The following CTNNA1 variants were observed in gnomAD, a reference collection of about 807,000 sequenced individuals.
CTNNA1 encodes catenin alpha 1.
CTNNA1 carries 37 observed loss-of-function variants against 98.4 expected under a neutral mutation model. The observed-to-expected ratio is 0.38, with a 90% CI of 0.29 to 0.49. CTNNA1 has a LOEUF of 0.49. CTNNA1 is among the 20% of genes least tolerant of loss of function. CTNNA1 has a pLI of 0.95. For synonymous variants in CTNNA1, 404 were observed against 413.2 expected (o/e 0.98, Z 0.27); for missense variants, 761 against 1,147.2 (o/e 0.66, Z 4.86).
intron 7 of CTNNA1, among the ~76,000 whole-genome samples, chr5:138,839,778 A>G (rs1762120267): frequency 6.6e-6 from 1 of 152,246 alleles, no homozygotes; most frequent in Non-Finnish European, 1.5e-5. Context: ...AGCCAGAACC[A>G]AAACTCAACC....
chr5:138,832,188 A>G (rs1018155122), intron 7 of CTNNA1, among the ~76,000 whole-genome samples: 1 of 152,310 alleles, frequency 6.6e-6, no homozygotes, highest in East Asian at 1.9e-4. Flanking sequence ...CCTTAATGTT[A>G]TTGCTTGCAT....
rs1561568619 is a variant in CTNNA1 at position 138,827,727 on chromosome 5, G to A, written c.1062+9G>A. The A allele has an allele frequency of 6.2e-7, 1 of 1,613,762 alleles. No homozygotes were observed. The highest frequency in any genetic ancestry group is 2.2e-5 in the East Asian group (1 of 44,878). On this transcript the variant is annotated intron_variant, in intron 7 of 17. Transcript: ENST00000302763. ...CGGAGTACATGGGCAATGTGAGTTT[G>A]ACAGCTTTTCTTTGAAGTAAGATAT...
chr5:138,823,703 A>G (rs1475715783), intron 5 of CTNNA1, among the ~76,000 whole-genome samples: 1 of 152,116 alleles, frequency 6.6e-6, no homozygotes, highest in East Asian at 1.9e-4. Flanking sequence ...CACGCCTGTA[A>G]TCCCAGCACT....
chr5:138,865,429 GGACA>G (rs1430275904), intron 7 of CTNNA1, among the ~76,000 whole-genome samples: 5 of 152,102 alleles, frequency 3.3e-5, no homozygotes, highest in Non-Finnish European at 7.4e-5. Flanking sequence ...CTCCTTAGAG[GGACA>G]GTCCAACGTT....
intron 7 of CTNNA1, among the ~76,000 whole-genome samples, chr5:138,862,238 T>C (rs552514672): frequency 7.2e-5 from 11 of 152,312 alleles, no homozygotes; most frequent in Non-Finnish European, 1.6e-4. Context: ...TAAATTCTCA[T>C]ACCTCTCCTG....
intron 1 of CTNNA1, among the ~76,000 whole-genome samples, chr5:138,775,843 C>T (rs1754069687): frequency 6.7e-6 from 1 of 149,898 alleles, no homozygotes; most frequent in African/African-American, 2.5e-5. Context: ...TTGTTTTAGC[C>T]TTCTAAGTAG....
At chr5:138,856,258 T>C (rs2149864932) in intron 7 of CTNNA1, among the ~76,000 whole-genome samples, 1 of 152,296 alleles carries the variant, frequency 6.6e-6, no homozygotes, top group Non-Finnish European at 1.5e-5. Flanking sequence ...AATTAAACCT[T>C]ATAATAAGAT....
intron 4 of CTNNA1, among the ~76,000 whole-genome samples, 168 bp downstream of exon 4, chr5:138,810,372 A>G (rs1300341657): frequency 1.3e-5 from 2 of 152,162 alleles, no homozygotes; most frequent in African/African-American, 2.4e-5. Context: ...TTCCAAGTAT[A>G]TATCATCCTG....
At chr5:138,903,413 A>G (rs1758521036) in intron 9 of CTNNA1, among the ~76,000 whole-genome samples, 2 of 152,166 alleles carry the variant, frequency 1.3e-5, no homozygotes, top group South Asian at 4.1e-4. Context: ...CGCCTTTATC[A>G]TTCATAACTC....
intron 11 of CTNNA1, among the ~76,000 whole-genome samples, chr5:138,921,789 C>CG (rs747327988): frequency 2.0e-5 from 3 of 151,550 alleles, no homozygotes; most frequent in Non-Finnish European, 4.4e-5. Context: ...TTAGTAGAGA[C>CG]GGGGTTTCAC....
At position 138,933,141 on chromosome 5, in the gene CTNNA1, C is replaced by T. The variant is rs79413061; in HGVS notation, c.2433+429C>T. ...AGAACAAGACTGTCTCAAAACAAAA[C>T]GAAACAACAAAACAAAACAAAACTT... On this transcript the variant is annotated intron_variant, in intron 17 of 17. Coordinates refer to ENST00000302763, the MANE Select transcript of CTNNA1 (RefSeq NM_001903.5). 0.012 allele frequency among the ~76,000 whole-genome samples: 1,790 copies of T among 152,216 alleles called. 39 individuals carry two copies. Among genetic ancestry groups the T allele is most frequent in the African/African-American group, 0.04 (1,643 of 41,510 alleles).
rs766845544 is a variant in CTNNA1, at chr5:138,810,086, C to G, written c.350C>G (p.Ser117Cys). The change falls in exon 4 of 18, where the codon TCT (serine) becomes TGT (cysteine). Residue 117 changes from serine to cysteine, a missense_variant. This residue lies in a region of CTNNA1 where 328 missense variants were observed against 354.3 expected (regional missense o/e 0.93). Coordinates refer to ENST00000302763, the MANE Select transcript of CTNNA1 (RefSeq NM_001903.5). ...AAGEFADDPC[S>C]SVKRGNMVRA... Reference sequence around the variant, plus strand: ...GGAGAGTTCGCAGATGATCCCTGCTCTTCTGTGAAGCGAGGCAACATGGTT... The same window carrying G: ...GGAGAGTTCGCAGATGATCCCTGCTGTTCTGTGAAGCGAGGCAACATGGTT... 47 of 1,614,008 alleles carry G rather than the reference C, an allele frequency of 2.9e-5. No individual in the cohort carries two copies. Among genetic ancestry groups the G allele is most frequent in the Non-Finnish European group, 3.5e-5 (41 of 1,179,988 alleles).
chr5:138,869,160 C>G (rs1485794437), intron 7 of CTNNA1: 2 of 141,002 alleles, frequency 1.4e-5, no homozygotes, highest in Non-Finnish European at 3.1e-5. Context: ...CCAAACATTC[C>G]ATATATCAGA....
chr5:138,811,556 C>T (rs1289320048), intron 4 of CTNNA1, among the ~76,000 whole-genome samples: 1 of 151,712 alleles, frequency 6.6e-6, no homozygotes, highest in Non-Finnish European at 1.5e-5. Context: ...CTTTGGGAGG[C>T]CAAGGCAGGT....
chr5:138,790,137 A>G (rs971892555), intron 3 of CTNNA1, among the ~76,000 whole-genome samples: 3 of 152,172 alleles, frequency 2.0e-5, no homozygotes, highest in African/African-American at 4.8e-5. Context: ...GGGGAGTGAA[A>G]TGGAGCTGTG....
rs768505500 is a variant in CTNNA1 at position 138,873,986 on chromosome 5, C to T, written c.1063-12226C>T. 18 of 1,613,980 alleles carry T rather than the reference C, an allele frequency of 1.1e-5. No individual in the cohort carries two copies. Among genetic ancestry groups the T allele is most frequent in the Admixed American group, 1.7e-5 (1 of 60,026 alleles). ...TCCATTGCGAGCCAAACTTCGCAAA[C>T]GATTTGTGCTCAAATCCAGAAACTC... On this transcript the variant is annotated intron_variant, in intron 7 of 17. Transcript: ENST00000302763. The surrounding 1 kb of genome is among the most constrained non-coding windows in gnomAD (Gnocchi z 6.1).
chr5:138,828,262 C>G (rs1334161108), intron 7 of CTNNA1: 2 of 154,606 alleles, frequency 1.3e-5, no homozygotes, highest in African/African-American at 4.8e-5. Context: ...TTGAATGTCA[C>G]AAGAGTAGAT....
rs201899693 is a variant in CTNNA1, at chr5:138,824,673, A to G, written c.732A>G (p.Ile244Met). 6.2e-7 allele frequency: 1 copy of G among 1,614,226 alleles called. No individual in the cohort carries two copies. Among genetic ancestry groups the G allele is most frequent in the East Asian group, 2.2e-5 (1 of 44,894 alleles). The change falls in exon 6 of 18, where the codon ATA becomes ATG. Residue 244 changes from isoleucine to methionine, a missense_variant. Physicochemically the swap from Ile to Met is conservative, Grantham distance 10 (BLOSUM62 1). Coordinates refer to ENST00000302763, the MANE Select transcript of CTNNA1 (RefSeq NM_001903.5). ...CCTATAAGGCCAACAGGGACCTGAT[A>G]TACAAGCAGCTGCAGCAGGCGGTCA... is the stretch of plus-strand genomic sequence containing the variant. Reference protein sequence around the residue: ...VAAYKANRDLIYKQLQQAVTG... With the variant: ...VAAYKANRDLMYKQLQQAVTG...
At chr5:138,914,211 C>T (rs1441945978) in intron 10 of CTNNA1, among the ~76,000 whole-genome samples, 3 of 152,122 alleles carry the variant, frequency 2.0e-5, no homozygotes, top group Admixed American at 6.5e-5. Flanking sequence ...ATAAGTAAAA[C>T]GTGTGATTAA....
Sources: allele counts gnomAD v4.1 joint callset (sites outside exome capture counted in the v4.1 genomes callset), GRCh38; gene constraint gnomAD v4.1.1; regional missense constraint gnomAD v4.1.1; non-coding constraint Gnocchi (gnomAD v3.1); transcripts MANE v1.5; gene names NCBI Gene and HGNC (gene_info 2026-07-23, HGNC 2026-07-21).